Variants in TBCD observed in about 807,000 individuals in gnomAD.
The protein encoded by TBCD is tubulin folding cofactor D.
In TBCD, 105 loss-of-function variants were observed where a neutral mutation model predicts 169.3. The observed-to-expected ratio is 0.62, with a 90% confidence interval of 0.53 to 0.73. The LOEUF is 0.73. Ranked by LOEUF, TBCD falls within the 30% of genes least tolerant of loss-of-function variation. The probability of loss-of-function intolerance (pLI) is 0.00; values close to 1 mark genes in which losing one functional copy is unlikely to be tolerated. For synonymous variants in TBCD, 700 were observed against 643.9 expected (o/e 1.09, Z -1.32); for missense variants, 1,444 against 1,600.1 (o/e 0.90, Z 1.66).
chr17:82,766,385 C>A lies in TBCD; in HGVS notation c.435+17C>A, dbSNP rs548743028. On this transcript the variant is annotated intron_variant, in intron 4 of 38. Transcript: ENST00000355528. ...GACCATGAAGTGAGTGTCTCTGCCT[C>A]CCCCCTCGTCTCCAGCCCTCCGTGC... is the stretch of plus-strand genomic sequence containing the variant. 5.0e-6 allele frequency: 8 copies of A among 1,587,694 alleles called. No individual in the cohort carries two copies. The highest frequency in any genetic ancestry group is 1.3e-5 in the African/African-American group (1 of 74,400).
intron 13 of TBCD, among the ~76,000 whole-genome samples, chr17:82,869,242 C>G (rs75122502): frequency 2.6e-5 from 4 of 152,198 alleles, no homozygotes; most frequent in Admixed American, 1.3e-4. Context: ...CGAACAAATA[C>G]AGTAAAACTT....
At chr17:82,942,257 C>G (rs931563763) in intron 38 of TBCD, 192 bp from the exon 39 acceptor site, 1 of 689,954 alleles carries the variant, frequency 1.4e-6, no homozygotes, top group South Asian at 2.0e-5. Context: ...GGTGCCCTTC[C>G]GAGGACACGT....
At position 82,864,977 on chromosome 17, in the gene TBCD, G is replaced by T. The variant is rs2057059521; in HGVS notation, c.1319-5247G>T. ...CAAGGGCAGGCCGAGCACCAAGTCT[G>T]TGCTTGCCCCACTGTGCAGCGTTGC... On this transcript the variant is annotated intron_variant, in intron 13 of 38. Coordinates refer to ENST00000355528, the MANE Select transcript of TBCD (RefSeq NM_005993.5). This position sits in a 1 kb window ranked among gnomAD's most constrained non-coding sequence, Gnocchi z 6.3. Among the ~76,000 whole-genome samples the T allele has an allele frequency of 2.0e-5, 3 of 152,182 alleles. No individual in the cohort carries two copies. Among genetic ancestry groups the T allele is most frequent in the Admixed American group, 6.5e-5 (1 of 15,288 alleles).
intron 32 of TBCD, chr17:82,929,773 G>A (rs1568076463): frequency 5.2e-6 from 3 of 580,232 alleles, no homozygotes; most frequent in African/African-American, 1.9e-5. Context: ...GCGTCCCCTC[G>A]GGGTTCAATC....
Position 82,923,581 on chromosome 17 carries a change from C to T in TBCD, c.2179-71C>T. 1.5e-6 allele frequency: 2 copies of T among 1,304,016 alleles called. No homozygotes were observed. Among genetic ancestry groups the T allele is most frequent in the African/African-American group, 1.5e-5 (1 of 67,822 alleles). 80.8% of individuals were successfully genotyped at this position (1,304,016 alleles called of 1,614,324 possible). ...GGTGCTTCTCCGACTTCAGAGTGAC[C>T]TGCTCTGTCCCTGGCCGGGGGCTTC... is the stretch of plus-strand genomic sequence containing the variant. On this transcript the variant is annotated intron_variant, in intron 25 of 38. Coordinates refer to ENST00000355528, the MANE Select transcript of TBCD (RefSeq NM_005993.5). The surrounding 1 kb of genome is among the most constrained non-coding windows in gnomAD (Gnocchi z 4.6).
At chr17:82,850,026 G>A in intron 13 of TBCD, among the ~76,000 whole-genome samples, 1 of 123,514 alleles carries the variant, frequency 8.1e-6, no homozygotes, top group East Asian at 2.3e-4. Flanking sequence ...TGCTGTTGTT[G>A]GCTGTGCTGT....
At chr17:82,909,169 GGC>G in intron 21 of TBCD, 114 bp from the exon 22 acceptor site, 1 of 861,586 alleles carries the variant, frequency 1.2e-6, no homozygotes. Context: ...CGGCTCTCCT[GGC>G]TGGCATGGCA....
Position 82,766,291 on chromosome 17 carries a change from C to T in TBCD, c.358C>T (p.Arg120Cys), listed in dbSNP as rs563090446. 1.4e-5 allele frequency: 22 copies of T among 1,612,380 alleles called. No individual in the cohort carries two copies. The highest frequency in any genetic ancestry group is 3.3e-4 in the Middle Eastern group (2 of 6,062). Residue 120 changes from arginine (R) to cysteine (C), a missense_variant, in exon 4 of 39, where the codon CGT (arginine) becomes TGT (cysteine). By Grantham distance (180) the Arg-to-Cys change is radical. Coordinates refer to ENST00000355528, the MANE Select transcript of TBCD (RefSeq NM_005993.5). Reference protein sequence around the residue: ...TKVRGYKTFLRLFPHEVADVE... With the variant: ...TKVRGYKTFLCLFPHEVADVE... The stretch of plus-strand genomic sequence containing the variant: ...GGTTCGAGGCTATAAAACATTTCTT[C>T]GTTTATTTCCTCATGAAGTTGCCGA...
chr17:82,862,835 G>T (rs114617401), intron 13 of TBCD, among the ~76,000 whole-genome samples: 3,756 of 152,304 alleles, frequency 0.025, 177 homozygotes, highest in African/African-American at 0.086. Context: ...GCCACCCCAG[G>T]CCGGGGCCTC....
chr17:82,798,407 A>G (rs528045259), intron 8 of TBCD, among the ~76,000 whole-genome samples: 1 of 152,228 alleles, frequency 6.6e-6, no homozygotes, highest in East Asian at 1.9e-4. Flanking sequence ...CGGCTTCCCA[A>G]AGTGCTGGGA....
chr17:82,893,423 C>G, intron 16 of TBCD, 124 bp from the exon 17 acceptor site: 1 of 724,894 alleles, frequency 1.4e-6, no homozygotes, highest in African/African-American at 1.8e-5. Context: ...GTGGCTTGCT[C>G]ACCACCTGCC....
chr17:82,755,655 G>C (rs1351007196), intron 1 of TBCD, among the ~76,000 whole-genome samples: 1 of 152,180 alleles, frequency 6.6e-6, no homozygotes, highest in Admixed American at 6.5e-5. Context: ...CATGAGGCCT[G>C]AACTAGTTTT....
intron 4 of TBCD, among the ~76,000 whole-genome samples, chr17:82,766,848 T>C (rs2144006968): frequency 6.6e-6 from 1 of 152,298 alleles, no homozygotes; most frequent in Admixed American, 6.5e-5. Flanking sequence ...GGTCCTCCAG[T>C]TGGGTCCCAC....
chr17:82,814,283 C>G (rs1052713027), intron 12 of TBCD, among the ~76,000 whole-genome samples: 6 of 152,194 alleles, frequency 3.9e-5, no homozygotes, highest in African/African-American at 1.4e-4. Context: ...TAAGTTCCTA[C>G]TTTTCTGAAG....
At chr17:82,822,026 C>T (rs555387668) in intron 13 of TBCD, among the ~76,000 whole-genome samples, 10 of 152,326 alleles carry the variant, frequency 6.6e-5, no homozygotes, top group South Asian at 2.1e-4. Flanking sequence ...CAGCGTCTTA[C>T]GACGATGTTG....
intron 21 of TBCD, 120 bp downstream of exon 21, chr17:82,907,941 T>G (rs765230038): frequency 1.1e-4 from 115 of 1,022,370 alleles, no homozygotes; most frequent in Non-Finnish European, 1.6e-4. Context: ...CCATCAGTCC[T>G]GGGCTCAGTG....
chr17:82,846,020 C>G (rs932810704), intron 13 of TBCD, among the ~76,000 whole-genome samples: 8 of 152,258 alleles, frequency 5.3e-5, no homozygotes, highest in Non-Finnish European at 7.3e-5. Context: ...CAGCAACATT[C>G]TATCCCCCGA....
chr17:82,834,222 AG>A lies in TBCD; in HGVS notation c.1318+19289del, dbSNP rs571243690. Among the ~76,000 whole-genome samples the A allele has an allele frequency of 1.3e-4, 20 of 152,278 alleles. No homozygotes were observed. In the East Asian group the frequency reaches 3.7e-3, roughly 28 times the overall value. On this transcript the variant is annotated intron_variant, in intron 13 of 38. Coordinates refer to ENST00000355528, the MANE Select transcript of TBCD (RefSeq NM_005993.5). Reference sequence around the variant, plus strand: ...CTTAGCCTCCCAAAGTGCTGGGATTAGAGGCGTGAGCCACCGCACCCGTCCC... The same window carrying A: ...CTTAGCCTCCCAAAGTGCTGGGATTAAGGCGTGAGCCACCGCACCCGTCCC...
At position 82,919,969 on chromosome 17, in the gene TBCD, C is replaced by T. The variant is rs577750470; in HGVS notation, c.2039-587C>T. On this transcript the variant is annotated intron_variant, in intron 23 of 38. Coordinates refer to ENST00000355528, the MANE Select transcript of TBCD (RefSeq NM_005993.5). ...GCAGCAGGCGTCTGCGAGTGGGTTC[C>T]GTTGTTAGGTAGAGACGGTGGGAGC... 9.2e-5 allele frequency among the ~76,000 whole-genome samples: 14 copies of T among 152,286 alleles called. No homozygotes were observed. The East Asian group carries it at 9.6e-4, about 10-fold the overall frequency.
Sources: gnomAD v4.1 joint callset for allele counts (sites outside exome capture counted in the v4.1 genomes callset) on GRCh38, gnomAD v4.1.1 for gene constraint, Gnocchi (gnomAD v3.1) non-coding constraint, MANE v1.5 for transcripts, NCBI Gene and HGNC (gene_info 2026-07-23, HGNC 2026-07-21) for gene names.